SLC5A5: variants seen among roughly 807,000 people sequenced by gnomAD.
SLC5A5 encodes solute carrier family 5 member 5.
A neutral mutation model predicts 68.6 loss-of-function variants in SLC5A5; 56 were observed. The ratio of observed to expected loss-of-function variants is 0.82; its 90% CI spans 0.66 to 1.02. The LOEUF is 1.02. Among genes scored for constraint, SLC5A5 ranks in the 50% least tolerant of loss-of-function variants. The probability of loss-of-function intolerance (pLI) is 0.00; values close to 1 mark genes in which losing one functional copy is unlikely to be tolerated. For synonymous variants in SLC5A5, 398 were observed against 373.0 expected (o/e 1.07, Z -0.77); for missense variants, 807 against 859.8 (o/e 0.94, Z 0.77).
intron 13 of SLC5A5, 56 bp from the exon 14 acceptor site, chr19:17,890,830 C>A (rs1301909488): frequency 8.3e-7 from 1 of 1,211,232 alleles, no homozygotes; most frequent in African/African-American, 1.5e-5. Flanking sequence ...TGGTCTCCAA[C>A]CCCCATGACC....
At chr19:17,876,786 C>G (rs1380490599) in intron 5 of SLC5A5, among the ~76,000 whole-genome samples, 4 of 151,990 alleles carry the variant, frequency 2.6e-5, no homozygotes, top group Admixed American at 2.6e-4. Context: ...TGCTTGAACC[C>G]AGGAGGCAGA....
At chr19:17,875,231 G>A (rs879590825) in intron 4 of SLC5A5, among the ~76,000 whole-genome samples, 5 of 151,980 alleles carry the variant, frequency 3.3e-5, no homozygotes, top group African/African-American at 4.8e-5. Flanking sequence ...TTACCTGGGC[G>A]CAGTGGCACG....
Position 17,879,574 on chromosome 19 carries a change from G to A in SLC5A5, c.970-1291G>A, listed in dbSNP as rs77447661. ...CCTGAGGTCAATGGGCAAGTCGGGG[G>A]GCGGTGCCAGGACCCATGCCTAGGT... On this transcript the variant is annotated intron_variant, in intron 7 of 14. Transcript: ENST00000222248. Among the ~76,000 whole-genome samples, 1,481 of 152,278 alleles carry A rather than the reference G, an allele frequency of 9.7e-3. 14 individuals carry two copies. The highest frequency in any genetic ancestry group is 0.014 in the Admixed American group (219 of 15,274).
chr19:17,874,725 G>A lies in SLC5A5; in HGVS notation c.537G>A (p.Thr179=), dbSNP rs758630242. 1.2e-6 allele frequency: 2 copies of A among 1,614,080 alleles called. No homozygotes were observed. The highest frequency in any genetic ancestry group is 1.1e-5 in the South Asian group (1 of 91,084). The change falls in exon 4 of 15, where the codon ACG becomes ACA. Residue 179 remains threonine (T), a synonymous_variant. Coordinates refer to ENST00000222248, the MANE Select transcript of SLC5A5 (RefSeq NM_000453.3). ...CCGGAATTATCTGCACCTTCTACAC[G>A]GCTGTGGTGAGTGGCCCTGGGAACT... ...LSTGIICTFY[T]AVGGMKAVVW... is the part of the protein sequence containing the mutation.
At chr19:17,877,887 C>A in intron 6 of SLC5A5, 24 bp downstream of exon 6, 2 of 1,613,962 alleles carry the variant, frequency 1.2e-6, no homozygotes, top group Non-Finnish European at 1.7e-6. Flanking sequence ...GGAGCAAGGT[C>A]GGGGTTTCTG....
chr19:17,888,185 C>A (rs1599930949), intron 12 of SLC5A5, 146 bp from the exon 13 acceptor site: 2 of 958,414 alleles, frequency 2.1e-6, no homozygotes, highest in Non-Finnish European at 1.6e-6. Context: ...ACATTGGCTA[C>A]TGCACAGATC....
intron 10 of SLC5A5, among the ~76,000 whole-genome samples, 154 bp from the exon 11 acceptor site, chr19:17,883,527 G>C (rs563470794): frequency 3.9e-5 from 6 of 152,088 alleles, no homozygotes; most frequent in East Asian, 1.9e-4. Flanking sequence ...GAACAAGGGG[G>C]GGGGGTCCTC....
At chr19:17,886,613 T>G (rs1278538088) in intron 12 of SLC5A5, among the ~76,000 whole-genome samples, 1 of 152,112 alleles carries the variant, frequency 6.6e-6, no homozygotes, top group Non-Finnish European at 1.5e-5. Context: ...CGGCCTATGT[T>G]TAACTTTTTG....
intron 7 of SLC5A5, among the ~76,000 whole-genome samples, chr19:17,879,796 C>T (rs1246183060): frequency 6.6e-6 from 1 of 152,148 alleles, no homozygotes; most frequent in Non-Finnish European, 1.5e-5. Flanking sequence ...ACAGGGATCC[C>T]AGGGCTCAGA....
chr19:17,874,382 A>T, intron 2 of SLC5A5, 112 bp from the exon 3 acceptor site: 1 of 1,145,140 alleles, frequency 8.7e-7, no homozygotes, highest in Non-Finnish European at 1.3e-6. Flanking sequence ...ACTCTGGAAG[A>T]CCCGGCCTAT....
chr19:17,889,760 A>G (rs1007076904), intron 13 of SLC5A5, among the ~76,000 whole-genome samples: 2 of 152,244 alleles, frequency 1.3e-5, no homozygotes, highest in African/African-American at 2.4e-5. Flanking sequence ...AACAAGATTA[A>G]GTCCTCAGTA....
In SLC5A5 at chr19:17,888,405, T is replaced by C; in HGVS notation, c.1601T>C (p.Leu534Pro). ...ATCTCCTATCTCTATTACGGTGCCC[T>C]GGGCACGCTGACCACTGTGCTGTGC... ...YAISYLYYGA[L>P]GTLTTVLCGA... The change falls in exon 13 of 15, where the codon CTG (leucine) becomes CCG (proline). Residue 534 changes from leucine (L) to proline (P), a missense_variant. Transcript: ENST00000222248. 1 of 1,613,928 alleles carries C rather than the reference T, an allele frequency of 6.2e-7. No individual in the cohort carries two copies. The highest frequency in any genetic ancestry group is 8.5e-7 in the Non-Finnish European group (1 of 1,179,976).
Position 17,882,092 on chromosome 19 carries a change from G to A in SLC5A5, c.1171+20G>A, listed in dbSNP as rs750979304. On this transcript the variant is annotated intron_variant, in intron 9 of 14. Transcript: ENST00000222248. ...GGCTCTGTGAGTTTCAGGGAGACCT[G>A]GGTGGGAGGCCAGGGCAGTCCCTCC... is the stretch of plus-strand genomic sequence containing the variant. The A allele has an allele frequency of 6.2e-7, 1 of 1,611,588 alleles. No individual in the cohort carries two copies. Among genetic ancestry groups the A allele is most frequent in the Non-Finnish European group, 8.5e-7 (1 of 1,177,654 alleles).
chr19:17,881,810 C>A (rs1409284441), intron 8 of SLC5A5, 150 bp from the exon 9 acceptor site: 1 of 700,786 alleles, frequency 1.4e-6, no homozygotes, highest in Non-Finnish European at 2.6e-6. Context: ...CTCAGGTCTT[C>A]GGGGAGGGGA....
chr19:17,877,880 G>T lies in SLC5A5; in HGVS notation c.839+17G>T. 6.2e-7 allele frequency: 1 copy of T among 1,614,126 alleles called. No individual in the cohort carries two copies. The highest frequency in any genetic ancestry group is 8.5e-7 in the Non-Finnish European group (1 of 1,180,048). On this transcript the variant is annotated intron_variant, in intron 6 of 14. Transcript: ENST00000222248. ...GGCCAAGCTGTGAGTGTTTCGGGGA[G>T]CAAGGTCGGGGTTTCTGGGACATGC...
At chr19:17,884,083 T>G (rs1431681140) in intron 12 of SLC5A5, 37 bp downstream of exon 12, 1 of 1,495,812 alleles carries the variant, frequency 6.7e-7, no homozygotes, top group African/African-American at 1.4e-5. Flanking sequence ...ACCCGAGCCC[T>G]GGATGGTGTG....
At position 17,886,140 on chromosome 19, in the gene SLC5A5, A is replaced by C. The variant is rs1845255766; in HGVS notation, c.1526+2094A>C. On this transcript the variant is annotated intron_variant, in intron 12 of 14. Transcript: ENST00000222248. ...CCTTTCAAAGTACTGGGATTACAGC[A>C]GAGTACAGTGGAGCCACTGCACTCC... 3.9e-5 allele frequency among the ~76,000 whole-genome samples: 6 copies of C among 152,228 alleles called. 1 individual carries two copies. The South Asian group carries it at 1.2e-3, about 32-fold the overall frequency.
rs182949142 is a variant in SLC5A5 at position 17,881,298 on chromosome 19, G to T, written c.1058+345G>T. On this transcript the variant is annotated intron_variant, in intron 8 of 14. Coordinates refer to ENST00000222248, the MANE Select transcript of SLC5A5 (RefSeq NM_000453.3). ...TTGTTTTTTTTCCGGATGGAGTCTT[G>T]CTCTGTCACCCAGGCTGGAGTGCAG... Among the ~76,000 whole-genome samples, 260 of 149,822 alleles carry T rather than the reference G, an allele frequency of 1.7e-3. 1 individual carries two copies. Among genetic ancestry groups the T allele is most frequent in the African/African-American group, 6.0e-3 (243 of 40,626 alleles).
chr19:17,885,844 C>A (rs905798848), intron 12 of SLC5A5, among the ~76,000 whole-genome samples: 1 of 151,870 alleles, frequency 6.6e-6, no homozygotes, highest in African/African-American at 2.4e-5. Context: ...AATATGTGAT[C>A]TTTTGTGTCT....
Sources: allele counts gnomAD v4.1 joint callset (sites outside exome capture counted in the v4.1 genomes callset), GRCh38; gene constraint gnomAD v4.1.1; transcripts MANE v1.5; gene names NCBI Gene and HGNC (gene_info 2026-07-23, HGNC 2026-07-21).